ATP8B1: variants seen among roughly 807,000 people sequenced by gnomAD.
ATP8B1 encodes ATPase phospholipid transporting 8B1.
Under a neutral mutation model 149.9 loss-of-function variants are expected in ATP8B1, and 80 were observed. The observed-to-expected ratio is 0.53, with a 90% confidence interval of 0.45 to 0.64. ATP8B1 has a LOEUF of 0.64. Among genes scored for constraint, ATP8B1 ranks in the 30% least tolerant of loss-of-function variants. The pLI is 0.00. For synonymous variants in ATP8B1, 536 were observed against 562.8 expected, an observed-to-expected ratio of 0.95 and a Z score of 0.67; for missense variants, 1,247 against 1,552.6, an observed-to-expected ratio of 0.80 and a Z score of 3.31.
At chr18:57,720,861 C>T (rs1464733327) in intron 2 of ATP8B1, among the ~76,000 whole-genome samples, 1 of 151,622 alleles carries the variant, frequency 6.6e-6, no homozygotes, top group Non-Finnish European at 1.5e-5. Flanking sequence ...GTTGGGTTAC[C>T]CTCAAAGGGA....
At chr18:57,737,714 C>T (rs1309557169) in intron 1 of ATP8B1, 3 of 152,126 alleles carry the variant, frequency 2.0e-5, no homozygotes, top group African/African-American at 7.2e-5. Flanking sequence ...TGCATTTATA[C>T]AAACATTTTG....
At position 57,752,207 on chromosome 18, in the gene ATP8B1, A is replaced by AAATAATAATAATAATAATAAT. The variant is rs74183222; in HGVS notation, c.-25-20376_-25-20375insATTATTATTATTATTATTATT. ...GGGCAATAGAGTGAGACCCTGTCTC[A>AAATAATAATAATAATAATAAT]AATAATAATAATAATAATGATAATA... On this transcript the variant is annotated intron_variant, in intron 1 of 27. Transcript: ENST00000648908. 1.2e-3 allele frequency among the ~76,000 whole-genome samples: 162 copies of AAATAATAATAATAATAATAAT among 138,326 alleles called. 1 individual carries two copies. Among genetic ancestry groups the AAATAATAATAATAATAATAAT allele is most frequent in the Admixed American group, 2.3e-3 (32 of 13,632 alleles). 90.7% of individuals were successfully genotyped at this position (138,326 alleles called of 152,430 possible).
intron 1 of ATP8B1, among the ~76,000 whole-genome samples, chr18:57,761,075 AT>A (rs1568059227): frequency 8.1e-6 from 1 of 123,926 alleles, no homozygotes; most frequent in African/African-American, 3.4e-5. Context: ...ATAAAATAAA[AT>A]AAATAAAATA....
chr18:57,696,923 A>C (rs2122905352), intron 8 of ATP8B1, among the ~76,000 whole-genome samples: 1 of 152,350 alleles, frequency 6.6e-6, no homozygotes, highest in South Asian at 2.1e-4. Flanking sequence ...ATTCTCTTTT[A>C]AATGATAGCA....
chr18:57,661,718 T>A (rs55850633), intron 21 of ATP8B1, among the ~76,000 whole-genome samples: 3,030 of 70,358 alleles, frequency 0.043, 37 homozygotes, highest in East Asian at 0.25. Flanking sequence ...TATATATTTT[T>A]TTTTTTTTTT....
chr18:57,768,180 G>A (rs921071273), intron 1 of ATP8B1, among the ~76,000 whole-genome samples: 10 of 152,050 alleles, frequency 6.6e-5, no homozygotes, highest in Admixed American at 5.9e-4. Context: ...GCAGTCAGGA[G>A]TTCGAGACCA....
intron 1 of ATP8B1, among the ~76,000 whole-genome samples, chr18:57,762,142 T>TATATA (rs112357299): frequency 5.1e-5 from 4 of 78,316 alleles, no homozygotes; most frequent in Non-Finnish European, 8.9e-5. Context: ...TATATATATA[T>TATATA]TTTTTTTTTC....
intron 1 of ATP8B1, among the ~76,000 whole-genome samples, chr18:57,732,311 G>GTATATA (rs1599168324): frequency 9.5e-4 from 3 of 3,160 alleles, no homozygotes; most frequent in African/African-American, 2.6e-3. Context: ...GTATATATGT[G>GTATATA]TGTATATATG....
At chr18:57,675,773 A>G (rs1420679625) in intron 15 of ATP8B1, among the ~76,000 whole-genome samples, 1 of 152,078 alleles carries the variant, frequency 6.6e-6, no homozygotes, top group Non-Finnish European at 1.5e-5. Context: ...TGGCACGATC[A>G]TGGCTCACTG....
intron 1 of ATP8B1, among the ~76,000 whole-genome samples, chr18:57,778,222 CTTTTTCTT>C (rs1469076711): frequency 1.1e-5 from 1 of 94,986 alleles, no homozygotes; most frequent in African/African-American, 4.4e-5. Flanking sequence ...GTTTCTTTTT[CTTTTTCTT>C]TTTTTTTTTT....
chr18:57,791,351 C>CTTTTTTTTTTTTT (rs570282416), intron 1 of ATP8B1, among the ~76,000 whole-genome samples: 6 of 82,402 alleles, frequency 7.3e-5, no homozygotes, highest in African/African-American at 2.1e-4. Flanking sequence ...CTTTTCTTTT[C>CTTTTTTTTTTTTT]TTTTTTTTTT....
chr18:57,706,449 CT>C lies in ATP8B1; in HGVS notation c.279+40del, dbSNP rs754082715. 10 of 1,571,144 alleles carry C rather than the reference CT, an allele frequency of 6.4e-6. No homozygotes were observed. In the East Asian group the frequency reaches 2.2e-4, roughly 35 times the overall value. ...TAAGCATGCCAGCTACTGGAAAAAA[CT>C]GCATTTTAATGAAAACAATTCAGAA... On this transcript the variant is annotated intron_variant, in intron 3 of 27. Transcript: ENST00000648908.
chr18:57,693,531 A>G (rs1431925658), intron 11 of ATP8B1, among the ~76,000 whole-genome samples: 1 of 152,096 alleles, frequency 6.6e-6, no homozygotes, highest in Non-Finnish European at 1.5e-5. Flanking sequence ...AACATGGTGA[A>G]ACCCCGTCTC....
At chr18:57,747,760 A>T (rs1599188079) in intron 1 of ATP8B1, among the ~76,000 whole-genome samples, 1 of 152,266 alleles carries the variant, frequency 6.6e-6, no homozygotes, top group Admixed American at 6.5e-5. Flanking sequence ...CTCTCATTCC[A>T]TCTGAAGGTT....
chr18:57,732,167 A>G (rs1454330342), intron 1 of ATP8B1: 3 of 119,882 alleles, frequency 2.5e-5, no homozygotes, highest in Admixed American at 9.1e-5. Flanking sequence ...ATATATGTAT[A>G]TATGTATATA....
chr18:57,798,412 CA>C (rs71807937), intron 1 of ATP8B1, among the ~76,000 whole-genome samples: 25 of 134,980 alleles, frequency 1.9e-4, no homozygotes, highest in African/African-American at 1.1e-4. Context: ...CCTGTCTCTA[CA>C]AAAAAAAAAA....
chr18:57,667,651 C>G (rs936279023), intron 19 of ATP8B1: 1 of 194,242 alleles, frequency 5.1e-6, no homozygotes, highest in African/African-American at 2.4e-5. Context: ...GCTATATTAT[C>G]AAACATATAA....
At chr18:57,741,489 C>T (rs2079913172) in intron 1 of ATP8B1, among the ~76,000 whole-genome samples, 1 of 152,210 alleles carries the variant, frequency 6.6e-6, no homozygotes, top group South Asian at 2.1e-4. Flanking sequence ...ACTACATGAA[C>T]TTGAAAGCAG....
chr18:57,677,034 A>G (rs954473760), intron 15 of ATP8B1, among the ~76,000 whole-genome samples: 2 of 152,156 alleles, frequency 1.3e-5, no homozygotes, highest in Admixed American at 6.6e-5. Context: ...GAAAAAACCA[A>G]TAAGAAGAGG....
Sources: gnomAD v4.1 joint callset for allele counts (sites outside exome capture counted in the v4.1 genomes callset) on GRCh38, gnomAD v4.1.1 for gene constraint, MANE v1.5 for transcripts, NCBI Gene and HGNC (gene_info 2026-07-23, HGNC 2026-07-21) for gene names.